The following GLIS3 variants were observed in gnomAD, a reference collection of about 807,000 sequenced individuals.
The protein encoded by GLIS3 is zinc finger protein GLIS3.
In GLIS3, 53 loss-of-function variants were observed where a neutral mutation model predicts 78.6. The ratio of observed to expected loss-of-function variants is 0.67; its 90% confidence interval spans 0.54 to 0.85. The LOEUF (loss-of-function observed/expected upper bound fraction) is 0.85, where lower values mean the gene tolerates loss of function less well. Among genes scored for constraint, GLIS3 ranks in the 40% least tolerant of loss-of-function variants. The pLI is 0.00. For missense variants in GLIS3, 1,703 were observed against 1,231.1 expected (o/e 1.38, Z -5.74); for synonymous variants, 684 against 509.9 (o/e 1.34, Z -4.60).
upstream of GLIS3, among the ~76,000 whole-genome samples, chr9:4,350,016 G>A (rs1449815967): frequency 6.6e-6 from 1 of 152,250 alleles, no homozygotes; most frequent in African/African-American, 2.4e-5. Flanking sequence ...GACGGACCAA[G>A]AGCAGTGGGG....
At chr9:4,431,534 G>C in the GLIS3 span, among the ~76,000 whole-genome samples, 1 of 152,108 alleles carries the variant, frequency 6.6e-6, no homozygotes, top group Non-Finnish European at 1.5e-5. Context: ...CCAGAGGCTG[G>C]CAAATGTTTT....
chr9:4,393,031 G>C, the GLIS3 span, among the ~76,000 whole-genome samples: 1 of 150,860 alleles, frequency 6.6e-6, no homozygotes, highest in African/African-American at 2.4e-5. Flanking sequence ...AGATTTGATA[G>C]AAAAAAAATG....
the GLIS3 span, among the ~76,000 whole-genome samples, chr9:4,478,382 C>T: frequency 2.6e-5 from 4 of 152,094 alleles, no homozygotes; most frequent in African/African-American, 9.7e-5. Flanking sequence ...GAGGCCAAGG[C>T]GGGAGATCAC....
At chr9:4,347,691 A>C (rs1817913269) in intron 1 of GLIS3, among the ~76,000 whole-genome samples, 1 of 151,956 alleles carries the variant, frequency 6.6e-6, no homozygotes, top group South Asian at 2.1e-4. Flanking sequence ...TAAACCTCAC[A>C]TGGTAGCTTT....
At chr9:4,115,032 G>C (rs1189746573) in intron 4 of GLIS3, among the ~76,000 whole-genome samples, 5 of 152,176 alleles carry the variant, frequency 3.3e-5, no homozygotes, top group Non-Finnish European at 7.3e-5. Flanking sequence ...TTTGGCATGA[G>C]GGAGGATACC....
chr9:4,062,859 G>A (rs1393116849), intron 4 of GLIS3, among the ~76,000 whole-genome samples: 1 of 152,012 alleles, frequency 6.6e-6, no homozygotes, highest in East Asian at 1.9e-4. Flanking sequence ...AACCCAGGAG[G>A]CGGAGCTTGC....
intron 2 of GLIS3, among the ~76,000 whole-genome samples, chr9:4,159,443 G>C (rs1835301033): frequency 6.6e-6 from 1 of 152,214 alleles, no homozygotes; most frequent in African/African-American, 2.4e-5. Flanking sequence ...CTGTGGCCAG[G>C]CGCAGTGGCT....
chr9:4,368,206 C>T, the GLIS3 span, among the ~76,000 whole-genome samples: 3 of 152,288 alleles, frequency 2.0e-5, no homozygotes, highest in African/African-American at 7.2e-5. Flanking sequence ...TTAATGTTCT[C>T]AGTATCTCCA....
At chr9:4,407,219 C>A in the GLIS3 span, among the ~76,000 whole-genome samples, 1 of 152,224 alleles carries the variant, frequency 6.6e-6, no homozygotes, top group African/African-American at 2.4e-5. Flanking sequence ...ATAAGTGACA[C>A]TGGGAAAACT....
At chr9:4,088,075 C>T (rs539102984) in intron 4 of GLIS3, among the ~76,000 whole-genome samples, 11 of 152,312 alleles carry the variant, frequency 7.2e-5, no homozygotes, top group Admixed American at 3.3e-4. Flanking sequence ...TGAGGATAGC[C>T]ATGGCAGATC....
At chr9:3,848,081 C>A (rs1245328869) in intron 9 of GLIS3, among the ~76,000 whole-genome samples, 1 of 152,204 alleles carries the variant, frequency 6.6e-6, no homozygotes, top group African/African-American at 2.4e-5. Context: ...CAAGATGTGA[C>A]ACAATGCTTA....
chr9:4,030,465 T>C (rs117632160), intron 4 of GLIS3, among the ~76,000 whole-genome samples: 4,016 of 152,312 alleles, frequency 0.026, 78 homozygotes, highest in Non-Finnish European at 0.038. Context: ...TGTCCATCTT[T>C]GCTTTGGTTG....
chr9:4,385,545 A>C, the GLIS3 span, among the ~76,000 whole-genome samples: 1 of 151,284 alleles, frequency 6.6e-6, no homozygotes, highest in Admixed American at 6.6e-5. Context: ...GGCACCTGTA[A>C]TCCCAGCTAC....
At chr9:4,060,124 G>T (rs1332742662) in intron 4 of GLIS3, among the ~76,000 whole-genome samples, 1 of 152,048 alleles carries the variant, frequency 6.6e-6, no homozygotes, top group Non-Finnish European at 1.5e-5. Context: ...GCATTTTACT[G>T]AAAGATGTCT....
intron 4 of GLIS3, among the ~76,000 whole-genome samples, chr9:3,938,416 G>C (rs1206135634): frequency 1.3e-5 from 2 of 152,078 alleles, no homozygotes; most frequent in Non-Finnish European, 2.9e-5. Context: ...AAAACTCTTT[G>C]GTTCTCTTAC....
At chr9:4,363,781 C>G in the GLIS3 span, among the ~76,000 whole-genome samples, 1 of 152,154 alleles carries the variant, frequency 6.6e-6, no homozygotes, top group African/African-American at 2.4e-5. Context: ...TACATGCATA[C>G]AAATATGCAA....
chr9:3,846,089 G>A (rs1271787469), intron 9 of GLIS3, among the ~76,000 whole-genome samples: 2 of 152,192 alleles, frequency 1.3e-5, no homozygotes, highest in Non-Finnish European at 2.9e-5. Context: ...AGCTATCAGT[G>A]TCCAAAGACA....
intron 2 of GLIS3, among the ~76,000 whole-genome samples, chr9:4,257,885 T>A (rs12348536): frequency 0.28 from 42,457 of 152,102 alleles, 6,627 homozygotes; most frequent in Non-Finnish European, 0.36. Flanking sequence ...CATGTATATG[T>A]TTAATATGTA....
At chr9:4,447,122 A>T in the GLIS3 span, among the ~76,000 whole-genome samples, 1 of 151,888 alleles carries the variant, frequency 6.6e-6, no homozygotes, top group South Asian at 2.1e-4. Flanking sequence ...ATCGCAGCTC[A>T]CTGCAGCATC....
Sources: gnomAD v4.1 joint callset for allele counts (sites outside exome capture counted in the v4.1 genomes callset) on GRCh38, gnomAD v4.1.1 for gene constraint, MANE v1.5 for transcripts, NCBI Gene and HGNC (gene_info 2026-07-23, HGNC 2026-07-21) for gene names.